Variants in NAALADL2 observed in about 807,000 individuals in gnomAD.
NAALADL2 encodes the protein N-acetylated alpha-linked acidic dipeptidase like 2, also known as inactive N-acetylated-alpha-linked acidic dipeptidase-like protein 2.
NAALADL2 carries 76 observed loss-of-function variants against 87.2 expected under a neutral mutation model. That is an observed-to-expected ratio of 0.87 (90% CI 0.72 to 1.05). The LOEUF is 1.05. Ranked by LOEUF, NAALADL2 falls within the 50% of genes least tolerant of loss-of-function variation. The probability of loss-of-function intolerance (pLI) is 0.00; values close to 1 mark genes in which losing one functional copy is unlikely to be tolerated. For synonymous variants in NAALADL2, 354 were observed against 331.0 expected (o/e 1.07, Z -0.75); for missense variants, 1,089 against 945.8 (o/e 1.15, Z -1.99).
At chr3:175,500,295 G>A (rs1729363682) in intron 9 of NAALADL2, among the ~76,000 whole-genome samples, 1 of 152,024 alleles carries the variant, frequency 6.6e-6, no homozygotes, top group African/African-American at 2.4e-5. Flanking sequence ...TTTGGCTGGA[G>A]GAATCTGAGA....
intron 5 of NAALADL2, among the ~76,000 whole-genome samples, chr3:175,356,756 A>G (rs1165390869): frequency 6.6e-6 from 1 of 152,078 alleles, no homozygotes; most frequent in Non-Finnish European, 1.5e-5. Context: ...GACAGTAGAC[A>G]TGAGAAAGAA....
chr3:175,403,199 C>T (rs1356705969), intron 5 of NAALADL2, among the ~76,000 whole-genome samples: 2 of 151,874 alleles, frequency 1.3e-5, no homozygotes, highest in Non-Finnish European at 2.9e-5. Context: ...GCTTTGTTTT[C>T]ACTCTTATTT....
intron 11 of NAALADL2, among the ~76,000 whole-genome samples, chr3:175,664,249 G>A (rs989232689): frequency 6.6e-6 from 1 of 151,932 alleles, no homozygotes; most frequent in Non-Finnish European, 1.5e-5. Flanking sequence ...TAGGCTGTAG[G>A]GAGAACAAGA....
At chr3:175,582,555 C>A (rs919160540) in intron 10 of NAALADL2, among the ~76,000 whole-genome samples, 6 of 152,034 alleles carry the variant, frequency 3.9e-5, no homozygotes, top group African/African-American at 7.2e-5. Context: ...TAATGATAAA[C>A]CATGTTATAA....
chr3:175,134,090 T>C (rs1385849727), intron 2 of NAALADL2, among the ~76,000 whole-genome samples: 2 of 152,182 alleles, frequency 1.3e-5, no homozygotes, highest in African/African-American at 4.8e-5. Context: ...ACACACACAT[T>C]TGCAGTGACT....
At chr3:175,590,645 A>G (rs1255687893) in intron 10 of NAALADL2, among the ~76,000 whole-genome samples, 1 of 152,172 alleles carries the variant, frequency 6.6e-6, no homozygotes, top group Non-Finnish European at 1.5e-5. Context: ...AAGCTAGGAA[A>G]TAGAAAATGC....
chr3:175,670,670 A>C (rs1334674420), intron 11 of NAALADL2, among the ~76,000 whole-genome samples: 1 of 150,108 alleles, frequency 6.7e-6, no homozygotes, highest in Non-Finnish European at 1.5e-5. Context: ...ATCCTCCAAG[A>C]TATTTAAGTT....
intron 6 of NAALADL2, among the ~76,000 whole-genome samples, chr3:175,451,720 T>A (rs555216910): frequency 6.6e-6 from 1 of 152,148 alleles, no homozygotes; most frequent in Non-Finnish European, 1.5e-5. Context: ...TTAAAACTTA[T>A]CAGTGATGAC....
At chr3:174,604,431 T>A (rs868135165) in intron 2 of NAALADL2, among the ~76,000 whole-genome samples, 58 of 152,184 alleles carry the variant, frequency 3.8e-4, no homozygotes, top group Admixed American at 3.7e-3. Flanking sequence ...TTTCCATCCC[T>A]CTATTTTCAG....
At chr3:174,450,629 T>C (rs1431793073) in intron 1 of NAALADL2, among the ~76,000 whole-genome samples, 3 of 152,014 alleles carry the variant, frequency 2.0e-5, no homozygotes, top group African/African-American at 7.2e-5. Context: ...CCCAGCACTT[T>C]GGGAGGCCAA....
intron 2 of NAALADL2, among the ~76,000 whole-genome samples, chr3:174,661,421 C>T (rs575452919): frequency 2.6e-5 from 4 of 152,170 alleles, no homozygotes; most frequent in African/African-American, 9.6e-5. Context: ...CTGATACACC[C>T]AAGGGATAAA....
intron 1 of NAALADL2, among the ~76,000 whole-genome samples, chr3:174,883,407 A>G (rs968039918): frequency 2.6e-5 from 4 of 152,272 alleles, no homozygotes; most frequent in African/African-American, 7.2e-5. Flanking sequence ...AGACAATAAG[A>G]AGGTCATAAT....
At chr3:174,573,099 A>G (rs1715122519) in intron 2 of NAALADL2, among the ~76,000 whole-genome samples, 3 of 152,168 alleles carry the variant, frequency 2.0e-5, no homozygotes, top group Admixed American at 2.0e-4. Context: ...GTATGTATGT[A>G]TATCACATGG....
chr3:175,415,486 G>C (rs16825670), intron 5 of NAALADL2, among the ~76,000 whole-genome samples: 27,573 of 151,898 alleles, frequency 0.18, 3,636 homozygotes, highest in African/African-American at 0.37. Flanking sequence ...GGTAAAACAG[G>C]TTAACCATAA....
At chr3:175,349,261 G>A (rs1177474501) in intron 5 of NAALADL2, among the ~76,000 whole-genome samples, 1 of 151,008 alleles carries the variant, frequency 6.6e-6, no homozygotes, top group Non-Finnish European at 1.5e-5. Flanking sequence ...CAGAGACTGA[G>A]GAAAGCAGTT....
chr3:174,892,562 A>T (rs1730986856), intron 1 of NAALADL2, among the ~76,000 whole-genome samples: 1 of 152,324 alleles, frequency 6.6e-6, no homozygotes, highest in Admixed American at 6.5e-5. Flanking sequence ...AGATACAGGG[A>T]TAGAAAATTT....
At chr3:174,536,742 G>T (rs1008090313) in intron 1 of NAALADL2, 27 of 152,070 alleles carry the variant, frequency 1.8e-4, no homozygotes, top group African/African-American at 6.3e-4. Context: ...AAGTGTTAGA[G>T]AAAATGAAAA....
intron 9 of NAALADL2, among the ~76,000 whole-genome samples, chr3:175,497,317 A>G (rs1728955908): frequency 6.6e-6 from 1 of 152,170 alleles, no homozygotes; most frequent in Non-Finnish European, 1.5e-5. Context: ...CACAAAATAA[A>G]TGTCTGGTAA....
intron 13 of NAALADL2, among the ~76,000 whole-genome samples, chr3:175,757,862 A>T (rs1448298565): frequency 6.6e-6 from 1 of 152,128 alleles, no homozygotes; most frequent in African/African-American, 2.4e-5. Flanking sequence ...AAAAAGTCAT[A>T]AAGTAGATAA....
Sources: gnomAD v4.1 joint callset for allele counts (sites outside exome capture counted in the v4.1 genomes callset) on GRCh38, gnomAD v4.1.1 for gene constraint, MANE v1.5 for transcripts, NCBI Gene and HGNC (gene_info 2026-07-23, HGNC 2026-07-21) for gene names.